ARK2C: variants seen among roughly 807,000 people sequenced by gnomAD.
ARK2C encodes arkadia (RNF111) C-terminal like ring finger ubiquitin ligase 2C.
the ARK2C span, among the ~76,000 whole-genome samples, chr18:46,446,850 C>G: frequency 1.3e-5 from 2 of 151,990 alleles, no homozygotes; most frequent in African/African-American, 4.8e-5. Flanking sequence ...GCACATTGTC[C>G]TAACTCTGGC....
At chr18:46,444,637 C>CG in the ARK2C span, among the ~76,000 whole-genome samples, 1 of 148,940 alleles carries the variant, frequency 6.7e-6, no homozygotes, top group Non-Finnish European at 1.5e-5. Context: ...CTAATTTAAA[C>CG]ATTTTTTTTT....
the ARK2C span, among the ~76,000 whole-genome samples, chr18:46,428,918 C>A: frequency 2.0e-5 from 3 of 152,070 alleles, no homozygotes; most frequent in Admixed American, 6.5e-5. Flanking sequence ...CCGTTTTCAC[C>A]CCATTCTTTT....
the ARK2C span, among the ~76,000 whole-genome samples, chr18:46,423,567 G>T: frequency 6.6e-6 from 1 of 152,194 alleles, no homozygotes; most frequent in Non-Finnish European, 1.5e-5. Flanking sequence ...GGCATACCAC[G>T]TGGAGACGTG....
At chr18:46,365,276 G>C in the ARK2C span, among the ~76,000 whole-genome samples, 1 of 152,130 alleles carries the variant, frequency 6.6e-6, no homozygotes, top group African/African-American at 2.4e-5. Flanking sequence ...CACGCCCCCT[G>C]TCAGTGGTCC....
At chr18:46,372,637 G>C in the ARK2C span, among the ~76,000 whole-genome samples, 1 of 152,192 alleles carries the variant, frequency 6.6e-6, no homozygotes, top group African/African-American at 2.4e-5. Context: ...TGGCCTAAGG[G>C]GTTGGGGGTC....
chr18:46,336,955 C>T, the ARK2C span: 1 of 985,446 alleles, frequency 1.0e-6, no homozygotes, highest in Non-Finnish European at 1.2e-6. Flanking sequence ...ACCAAGGTCC[C>T]TGGCTTAAGT....
At chr18:46,361,486 C>A in the ARK2C span, among the ~76,000 whole-genome samples, 1 of 152,162 alleles carries the variant, frequency 6.6e-6, no homozygotes, top group Non-Finnish European at 1.5e-5. Context: ...CAGACAGTGC[C>A]ACAGTGCAAA....
the ARK2C span, among the ~76,000 whole-genome samples, chr18:46,442,677 C>T: frequency 0.071 from 10,730 of 152,150 alleles, 423 homozygotes; most frequent in African/African-American, 0.085. Flanking sequence ...AGTTAGTCGA[C>T]AGTATTGTTC....
the ARK2C span, among the ~76,000 whole-genome samples, chr18:46,389,193 G>A: frequency 5.3e-5 from 8 of 152,304 alleles, no homozygotes; most frequent in African/African-American, 1.7e-4. Context: ...AACATCCACT[G>A]TATTTATTCA....
chr18:46,433,618 G>C, the ARK2C span: 1 of 963,894 alleles, frequency 1.0e-6, no homozygotes, highest in Non-Finnish European at 1.5e-6. Context: ...GCGGAGACGG[G>C]GGCGGGGCTA....
chr18:46,400,481 C>T, the ARK2C span, among the ~76,000 whole-genome samples: 5 of 152,182 alleles, frequency 3.3e-5, no homozygotes, highest in Non-Finnish European at 7.3e-5. Context: ...TGGGGACCCT[C>T]AGTCTGTAAC....
the ARK2C span, among the ~76,000 whole-genome samples, chr18:46,419,097 G>A: frequency 1.3e-5 from 2 of 152,208 alleles, no homozygotes; most frequent in Non-Finnish European, 2.9e-5. Flanking sequence ...GTTCACCCCA[G>A]AAGTAGGCTG....
At chr18:46,440,126 A>T in the ARK2C span, among the ~76,000 whole-genome samples, 1 of 152,038 alleles carries the variant, frequency 6.6e-6, no homozygotes, top group Non-Finnish European at 1.5e-5. Flanking sequence ...CCACGCCCAG[A>T]TCTCATGGCC....
the ARK2C span, among the ~76,000 whole-genome samples, chr18:46,378,364 C>G: frequency 6.6e-6 from 1 of 152,154 alleles, no homozygotes; most frequent in South Asian, 2.1e-4. Context: ...TGAGTCAGCA[C>G]CAGGGACAGA....
chr18:46,376,549 C>T, the ARK2C span, among the ~76,000 whole-genome samples: 1 of 151,942 alleles, frequency 6.6e-6, no homozygotes, highest in Non-Finnish European at 1.5e-5. Flanking sequence ...CTGGACTATT[C>T]GACCAGATTT....
chr18:46,347,035 G>T, the ARK2C span, among the ~76,000 whole-genome samples: 1 of 152,196 alleles, frequency 6.6e-6, no homozygotes, highest in Non-Finnish European at 1.5e-5. Flanking sequence ...GTGTGGCCTA[G>T]CAGGGAGATA....
the ARK2C span, among the ~76,000 whole-genome samples, chr18:46,358,341 A>G: frequency 6.6e-6 from 1 of 152,150 alleles, no homozygotes; most frequent in African/African-American, 2.4e-5. Flanking sequence ...TAGTGTGAGG[A>G]AGTGAACGAG....
At chr18:46,339,263 C>T in the ARK2C span, among the ~76,000 whole-genome samples, 1 of 152,136 alleles carries the variant, frequency 6.6e-6, no homozygotes, top group East Asian at 1.9e-4. Context: ...CTCATATTTG[C>T]CCTAGAGAAC....
the ARK2C span, among the ~76,000 whole-genome samples, chr18:46,447,248 G>A: frequency 3.5e-4 from 54 of 152,152 alleles, no homozygotes; most frequent in South Asian, 0.011. Context: ...TGGCTTGCTC[G>A]ATTTAGATTC....
Sources: allele counts gnomAD v4.1 joint callset (sites outside exome capture counted in the v4.1 genomes callset), GRCh38; gene constraint gnomAD v4.1.1; transcripts MANE v1.5; gene names NCBI Gene and HGNC (gene_info 2026-07-23, HGNC 2026-07-21).